FUBP1: variants seen among roughly 807,000 people sequenced by gnomAD.
The protein encoded by FUBP1 is far upstream element binding protein 1.
In FUBP1, 16 loss-of-function variants were observed where a neutral mutation model predicts 94.9. The observed-to-expected ratio is 0.17, with a 90% CI of 0.11 to 0.26. The LOEUF is 0.26. Among genes scored for constraint, FUBP1 ranks in the 10% least tolerant of loss-of-function variants. The probability of loss-of-function intolerance (pLI) is 1.00; values close to 1 mark genes in which losing one functional copy is unlikely to be tolerated. For missense variants in FUBP1, 583 were observed against 808.6 expected, an observed-to-expected ratio of 0.72 and a Z score of 3.38; for synonymous variants, 279 against 254.9, an observed-to-expected ratio of 1.09 and a Z score of -0.90.
chr1:77,949,623 G>A (rs891476773), intron 18 of FUBP1, among the ~76,000 whole-genome samples: 20 of 151,368 alleles, frequency 1.3e-4, no homozygotes, highest in Admixed American at 2.0e-4. Context: ...ATAATTAATC[G>A]TTAACTTTTA....
In FUBP1 at chr1:77,944,449, T is replaced by C. The variant is rs1651743442; in HGVS notation, c.*4317A>G. Among the ~76,000 whole-genome samples the C allele has an allele frequency of 6.6e-6, 1 of 151,870 alleles. No homozygotes were observed. ...TAAAAAAATCCCTCAAAAGCTTATA[T>C]TGTGGCAAGAAAAATGAAGTCACTA... On this transcript the variant is annotated 3_prime_UTR_variant, in exon 20 of 20. Coordinates refer to ENST00000370768, the MANE Select transcript of FUBP1 (RefSeq NM_003902.5).
intron 2 of FUBP1, among the ~76,000 whole-genome samples, chr1:77,968,439 G>C (rs549020968): frequency 6.6e-6 from 1 of 152,118 alleles, no homozygotes; most frequent in Admixed American, 6.5e-5. Context: ...TGATTCTTAA[G>C]AAATCACTGA....
At chr1:77,967,517 A>T in intron 4 of FUBP1, 110 bp downstream of exon 4, 1 of 805,134 alleles carries the variant, frequency 1.2e-6, no homozygotes, top group Non-Finnish European at 2.1e-6. Flanking sequence ...TGAACTAGGT[A>T]CACCAAAAAA....
At chr1:77,962,681 A>G (rs1259678980) in intron 14 of FUBP1, 89 bp downstream of exon 14, 10 of 716,484 alleles carry the variant, frequency 1.4e-5, no homozygotes, top group African/African-American at 3.6e-5. Context: ...GTAATGATAC[A>G]TTTTCCTTTG....
At chr1:77,974,164 C>T (rs1658149339) in intron 1 of FUBP1, among the ~76,000 whole-genome samples, 1 of 137,242 alleles carries the variant, frequency 7.3e-6, no homozygotes. Flanking sequence ...GAGATGGAGT[C>T]TCGCTCTGTT....
At chr1:77,974,379 G>A (rs1296610505) in intron 1 of FUBP1, among the ~76,000 whole-genome samples, 5 of 151,946 alleles carry the variant, frequency 3.3e-5, no homozygotes, top group African/African-American at 9.7e-5. Context: ...TGATCCACCC[G>A]CCTCAGCCTC....
Position 77,973,845 on chromosome 1 carries a change from A to G in FUBP1, c.121-3830T>C, listed in dbSNP as rs183702222. Among the ~76,000 whole-genome samples, 153 of 152,290 alleles carry G rather than the reference A, an allele frequency of 1.0e-3. 1 individual carries two copies. The highest frequency in any genetic ancestry group is 3.6e-3 in the African/African-American group (150 of 41,568). On this transcript the variant is annotated intron_variant, in intron 1 of 19. Coordinates refer to ENST00000370768, the MANE Select transcript of FUBP1 (RefSeq NM_003902.5). ...TCATTCATATAACTTATTATAGCAT[A>G]TTGGTTTAATTTTTTTTAAATTTGC...
intron 1 of FUBP1, among the ~76,000 whole-genome samples, chr1:77,971,452 T>G (rs569305918): frequency 3.5e-4 from 54 of 152,342 alleles, no homozygotes; most frequent in African/African-American, 1.2e-3. Context: ...GCTGAAGTCA[T>G]AAATTCAACA....
At position 77,960,255 on chromosome 1, in the gene FUBP1, G is replaced by A. The variant is rs1655203022; in HGVS notation, c.1505C>T (p.Pro502Leu). 6.2e-7 allele frequency: 1 copy of A among 1,612,870 alleles called. No homozygotes were observed. Among genetic ancestry groups the A allele is most frequent in the Non-Finnish European group, 8.5e-7 (1 of 1,179,286 alleles). ...CCATCCCTGGGGAGCATATGGGGCT[G>A]GAGGACCACTGAAAAGAAAAATCAG... is the stretch of plus-strand genomic sequence containing the variant. ...GPPGPAPHGP[P>L]APYAPQGWGN... is the part of the protein sequence containing the mutation. The change falls in exon 16 of 20, where the codon CCA (proline) becomes CTA (leucine). Residue 502 changes from proline (P) to leucine (L), a missense_variant. Coordinates refer to ENST00000370768, the MANE Select transcript of FUBP1 (RefSeq NM_003902.5).
Position 77,956,657 on chromosome 1 carries a change from A to G in FUBP1, c.1620T>C (p.Tyr540=), listed in dbSNP as rs1182192527. The part of the protein sequence containing the change: ...TDPNSAAWAA[Y]YAHYYQQQAQ... ...CTTGCTGTTGATAATAGTGAGCGTA[A>G]TAAGCAGCCCAAGCTGCTGAATTTG... Residue 540 remains tyrosine (Y), a synonymous_variant, in exon 17 of 20, where the codon TAT becomes TAC. Transcript: ENST00000370768. 1 of 1,610,048 alleles carries G rather than the reference A, an allele frequency of 6.2e-7. No individual in the cohort carries two copies. The highest frequency in any genetic ancestry group is 1.1e-5 in the South Asian group (1 of 90,984).
Position 77,948,267 on chromosome 1 carries a change from G to T in FUBP1, c.*499C>A. 1 of 1,056,052 alleles carries T rather than the reference G, an allele frequency of 9.5e-7. No homozygotes were observed. The highest frequency in any genetic ancestry group is 1.1e-6 in the Non-Finnish European group (1 of 872,972). The allele number at this position is 1,056,052 out of a possible 1,614,324, so 65.4% of individuals were successfully genotyped here. A position where few individuals can be genotyped will look rare whatever the true frequency, so the allele number is the denominator to read the frequency against. ...TCCAATCTACCACTATACTGCAAGG[G>T]GGGAAAAACATGCCAGTGTTTAAAA... is the stretch of plus-strand genomic sequence containing the variant. On this transcript the variant is annotated 3_prime_UTR_variant, in exon 20 of 20. Coordinates refer to ENST00000370768, the MANE Select transcript of FUBP1 (RefSeq NM_003902.5).
chr1:77,972,316 T>C (rs1657711364), intron 1 of FUBP1, among the ~76,000 whole-genome samples: 1 of 152,196 alleles, frequency 6.6e-6, no homozygotes, highest in Non-Finnish European at 1.5e-5. Flanking sequence ...GAATACCTTC[T>C]GCAGTTAGCT....
In FUBP1 at chr1:77,974,167, G is replaced by A. The variant is rs1477929605; in HGVS notation, c.121-4152C>T. On this transcript the variant is annotated intron_variant, in intron 1 of 19. Transcript: ENST00000370768. Reference sequence around the variant, plus strand: ...TTTTTTTTTTTTGAGATGGAGTCTCGCTCTGTTGCCCAGGCTGGCATGCAG... The same window carrying A: ...TTTTTTTTTTTTGAGATGGAGTCTCACTCTGTTGCCCAGGCTGGCATGCAG... 2.2e-5 allele frequency among the ~76,000 whole-genome samples: 3 copies of A among 134,762 alleles called. No individual in the cohort carries two copies. In the East Asian group the frequency reaches 6.3e-4, roughly 28 times the overall value. 88.4% of individuals were successfully genotyped at this position (134,762 alleles called of 152,430 possible).
Position 77,960,741 on chromosome 1 carries a change from A to C in FUBP1, c.1345-246T>G, listed in dbSNP as rs543681146. ...ATTTAAATTAAATTAAATTTAAATT[A>C]GCAATTAAATTTCCTTTAGCTTGTT... On this transcript the variant is annotated intron_variant, in intron 14 of 19. Transcript: ENST00000370768. 1.3e-3 allele frequency: 510 copies of C among 399,488 alleles called. 12 individuals are homozygous for C. In the East Asian group the frequency reaches 0.025, roughly 19 times the overall value. 24.7% of individuals were successfully genotyped at this position (399,488 alleles called of 1,614,324 possible). A position where few individuals can be genotyped will look rare whatever the true frequency, so the allele number is the denominator to read the frequency against.
At chr1:77,955,726 ATGTGTTTTTTGG>A (rs1654331436) in intron 17 of FUBP1, among the ~76,000 whole-genome samples, 1 of 152,106 alleles carries the variant, frequency 6.6e-6, no homozygotes, top group Admixed American at 6.5e-5. Flanking sequence ...ATCGATGTTT[ATGTGTTTTTTGG>A]TGTGTGTATG....
chr1:77,972,293 C>T (rs757795107), intron 1 of FUBP1, among the ~76,000 whole-genome samples: 5 of 152,198 alleles, frequency 3.3e-5, no homozygotes, highest in African/African-American at 1.2e-4. Context: ...GAATAGGAAA[C>T]GGTTTAGCCT....
chr1:77,978,594 TTATC>T (rs1659205482), intron 1 of FUBP1, among the ~76,000 whole-genome samples: 1 of 152,214 alleles, frequency 6.6e-6, no homozygotes, highest in East Asian at 1.9e-4. Context: ...AAGAGGATCT[TTATC>T]TAAACTAGCT....
At chr1:77,977,297 A>G (rs1285904062) in intron 1 of FUBP1, among the ~76,000 whole-genome samples, 1 of 152,178 alleles carries the variant, frequency 6.6e-6, no homozygotes, top group Non-Finnish European at 1.5e-5. Flanking sequence ...CGAGGTCAGG[A>G]GTTCGAGACC....
intron 18 of FUBP1, among the ~76,000 whole-genome samples, chr1:77,949,851 T>C (rs1653032127): frequency 6.6e-6 from 1 of 152,192 alleles, no homozygotes; most frequent in African/African-American, 2.4e-5. Flanking sequence ...ATAAAGTGTA[T>C]GTACACACAC....
Sources: allele counts gnomAD v4.1 joint callset (sites outside exome capture counted in the v4.1 genomes callset), GRCh38; gene constraint gnomAD v4.1.1; transcripts MANE v1.5; gene names NCBI Gene and HGNC (gene_info 2026-07-23, HGNC 2026-07-21).